Variants in SLC38A1 observed in about 807,000 individuals in gnomAD.
SLC38A1 encodes the protein sodium-coupled neutral amino acid symporter 1.
Under a neutral mutation model 60.3 loss-of-function variants are expected in SLC38A1, and 18 were observed. The observed-to-expected ratio is 0.30, with a 90% CI of 0.21 to 0.44. The LOEUF is 0.44. SLC38A1 is among the 20% of genes least tolerant of loss of function. The pLI, the probability that SLC38A1 is intolerant of heterozygous loss-of-function variation, is 1.00. For missense variants in SLC38A1, 448 were observed against 587.2 expected, an observed-to-expected ratio of 0.76 and a Z score of 2.45; for synonymous variants, 196 against 212.1, an observed-to-expected ratio of 0.92 and a Z score of 0.66.
Position 46,197,870 on chromosome 12 carries a change from C to A in SLC38A1, c.1264+49G>T, listed in dbSNP as rs1285137286. 4 of 1,605,174 alleles carry A rather than the reference C, an allele frequency of 2.5e-6. No individual in the cohort carries two copies. The South Asian group carries it at 4.5e-5, about 18-fold the overall frequency. ...TAGCATTGCTATTGTGAAAATTTCC[C>A]TGCAAACAGCTACTGTAGAATGACA... On this transcript the variant is annotated intron_variant, in intron 15 of 16. Coordinates refer to ENST00000398637, the MANE Select transcript of SLC38A1 (RefSeq NM_030674.4).
At chr12:46,210,070 T>C (rs989598406) in intron 5 of SLC38A1, among the ~76,000 whole-genome samples, 1 of 152,216 alleles carries the variant, frequency 6.6e-6, no homozygotes, top group Non-Finnish European at 1.5e-5. Flanking sequence ...CACCAAGTGC[T>C]GTTGAGAGGC....
At chr12:46,255,865 A>G (rs974544147) in intron 1 of SLC38A1, among the ~76,000 whole-genome samples, 1 of 152,014 alleles carries the variant, frequency 6.6e-6, no homozygotes, top group Non-Finnish European at 1.5e-5. Context: ...AAACTGAACA[A>G]TTTTCAAAAG....
At chr12:46,237,994 G>A (rs909585907) in intron 3 of SLC38A1, among the ~76,000 whole-genome samples, 1 of 151,820 alleles carries the variant, frequency 6.6e-6, no homozygotes, top group African/African-American at 2.4e-5. Context: ...GGAGGGTAGA[G>A]TAAAAATACA....
chr12:46,243,402 T>G (rs1330754634), intron 1 of SLC38A1, 88 bp from the exon 2 acceptor site: 1 of 152,200 alleles, frequency 6.6e-6, no homozygotes, highest in Non-Finnish European at 1.5e-5. Flanking sequence ...TTTTAAAACA[T>G]TTTTTTCACT....
chr12:46,235,400 A>T lies in SLC38A1; in HGVS notation c.122+4279T>A, dbSNP rs1941224761. Among the ~76,000 whole-genome samples the T allele has an allele frequency of 4.6e-5, 7 of 152,206 alleles. No homozygotes were observed. The South Asian group carries it at 1.4e-3, about 32-fold the overall frequency. The stretch of plus-strand genomic sequence containing the variant: ...ATGCTAACATTGTATTAAAAAGGAG[A>T]ATAAAATGAAAGGGAAGAAGCAAGT... On this transcript the variant is annotated intron_variant, in intron 3 of 16. Coordinates refer to ENST00000398637, the MANE Select transcript of SLC38A1 (RefSeq NM_030674.4).
chr12:46,196,722 T>G (rs1449837285), intron 16 of SLC38A1, among the ~76,000 whole-genome samples: 1 of 152,086 alleles, frequency 6.6e-6, no homozygotes, highest in Non-Finnish European at 1.5e-5. Context: ...TTGCAGTGCT[T>G]ACACTAGCTG....
At chr12:46,245,002 A>C (rs776004704) in intron 1 of SLC38A1, among the ~76,000 whole-genome samples, 1 of 152,158 alleles carries the variant, frequency 6.6e-6, no homozygotes, top group Non-Finnish European at 1.5e-5. Context: ...AGATTTTTTT[A>C]TGCCCACCAT....
At chr12:46,210,448 A>G (rs906216499) in intron 5 of SLC38A1, among the ~76,000 whole-genome samples, 1 of 152,208 alleles carries the variant, frequency 6.6e-6, no homozygotes, top group African/African-American at 2.4e-5. Flanking sequence ...TCTGCCAATA[A>G]ACAGGAATTT....
intron 3 of SLC38A1, among the ~76,000 whole-genome samples, chr12:46,233,596 G>A (rs138807490): frequency 0.015 from 2,336 of 152,244 alleles, 36 homozygotes; most frequent in South Asian, 0.032. Flanking sequence ...ACATGAGGGG[G>A]CATTCAGCCA....
At chr12:46,236,054 C>T (rs534046944) in intron 3 of SLC38A1, among the ~76,000 whole-genome samples, 1 of 152,286 alleles carries the variant, frequency 6.6e-6, no homozygotes, top group South Asian at 2.1e-4. Flanking sequence ...TACCGATAGA[C>T]TTTTCTCATA....
At chr12:46,203,853 C>A (rs1325600643) in intron 11 of SLC38A1, among the ~76,000 whole-genome samples, 1 of 152,210 alleles carries the variant, frequency 6.6e-6, no homozygotes, top group Non-Finnish European at 1.5e-5. Context: ...CCAAGCCTGA[C>A]TGACTCCATA....
chr12:46,248,014 A>C (rs1024209604), intron 1 of SLC38A1, among the ~76,000 whole-genome samples: 1 of 152,196 alleles, frequency 6.6e-6, no homozygotes, highest in Non-Finnish European at 1.5e-5. Context: ...CAGGCCTGCC[A>C]TACAAGAGCT....
chr12:46,210,278 A>G (rs1281525452), intron 5 of SLC38A1, among the ~76,000 whole-genome samples: 1 of 152,184 alleles, frequency 6.6e-6, no homozygotes, highest in Non-Finnish European at 1.5e-5. Flanking sequence ...CATACGGGGC[A>G]ACCATGAGGA....
Position 46,251,643 on chromosome 12 carries a change from A to G in SLC38A1, c.-208-8329T>C, listed in dbSNP as rs1402581488. ...AAGAACTTAAATAAATTTTCAAGAA[A>G]AAAACAAACAACCCCAGCAAAGAGT... On this transcript the variant is annotated intron_variant, in intron 1 of 16. Coordinates refer to ENST00000398637, the MANE Select transcript of SLC38A1 (RefSeq NM_030674.4). 2.0e-5 allele frequency among the ~76,000 whole-genome samples: 3 copies of G among 152,242 alleles called. No individual in the cohort carries two copies. In the South Asian group the frequency reaches 6.2e-4, roughly 31 times the overall value.
chr12:46,207,213 C>T lies in SLC38A1; in HGVS notation c.505G>A (p.Val169Ile), dbSNP rs749295459. 12 of 1,612,458 alleles carry T rather than the reference C, an allele frequency of 7.4e-6. No individual in the cohort carries two copies. Among genetic ancestry groups the T allele is most frequent in the South Asian group, 3.3e-5 (3 of 90,812 alleles). ...ATGGCAGAGGGTAGTTCATTTTTTA[C>T]GATGAAGAGGTAGCTCAGCATTGCT... ...TGAMLSYLFIVKNELPSAIKF... is the reference protein window; with the variant it reads ...TGAMLSYLFIIKNELPSAIKF... The change falls in exon 8 of 17, where the codon GTA (valine) becomes ATA (isoleucine). Residue 169 changes from valine (V) to isoleucine (I), a missense_variant. Coordinates refer to ENST00000398637, the MANE Select transcript of SLC38A1 (RefSeq NM_030674.4).
intron 12 of SLC38A1, among the ~76,000 whole-genome samples, chr12:46,201,492 T>C (rs1199376008): frequency 1.3e-5 from 2 of 152,160 alleles, no homozygotes; most frequent in Non-Finnish European, 2.9e-5. Flanking sequence ...TTGTGCTTGA[T>C]ATTATCTCCA....
At chr12:46,200,341 AT>A (rs1262544420) in intron 13 of SLC38A1, among the ~76,000 whole-genome samples, 1 of 152,000 alleles carries the variant, frequency 6.6e-6, no homozygotes, top group Non-Finnish European at 1.5e-5. Flanking sequence ...AAGAATTATT[AT>A]TTAGTAGAGA....
chr12:46,259,833 G>A (rs1433723034), intron 1 of SLC38A1, among the ~76,000 whole-genome samples: 1 of 151,954 alleles, frequency 6.6e-6, no homozygotes, highest in Non-Finnish European at 1.5e-5. Flanking sequence ...CTCTTTATCT[G>A]GAACATAACT....
intron 16 of SLC38A1, among the ~76,000 whole-genome samples, chr12:46,192,575 G>A (rs1939190490): frequency 6.6e-6 from 1 of 151,968 alleles, no homozygotes; most frequent in Non-Finnish European, 1.5e-5. Flanking sequence ...CTTTTTTTTG[G>A]TTGGTAGGCT....
Sources: gnomAD v4.1 joint callset for allele counts (sites outside exome capture counted in the v4.1 genomes callset) on GRCh38, gnomAD v4.1.1 for gene constraint, MANE v1.5 for transcripts, NCBI Gene and HGNC (gene_info 2026-07-23, HGNC 2026-07-21) for gene names.